The following SYNE1 variants were observed in gnomAD, a reference collection of about 807,000 sequenced individuals.
SYNE1 encodes nesprin-1.
SYNE1 carries 616 observed loss-of-function variants against 1,111.0 expected under a neutral mutation model. That is an observed-to-expected ratio of 0.55 (90% CI 0.52 to 0.59). The LOEUF (loss-of-function observed/expected upper bound fraction) is 0.59. Ranked by LOEUF, SYNE1 falls within the 20% of genes least tolerant of loss-of-function variation. The pLI, the probability that SYNE1 is intolerant of heterozygous loss-of-function variation, is 0.00. For missense variants in SYNE1, 10,006 were observed against 10,417.0 expected (o/e 0.96, Z 1.72); for synonymous variants, 3,855 against 3,825.8 (o/e 1.01, Z -0.28).
At chr6:152,325,481 T>G (rs2096039309) in intron 80 of SYNE1, among the ~76,000 whole-genome samples, 179 bp from the exon 81 acceptor site, 1 of 152,226 alleles carries the variant, frequency 6.6e-6, no homozygotes, top group African/African-American at 2.4e-5. Context: ...GAGTGAGTCT[T>G]AAAGCTTTTT....
intron 127 of SYNE1, among the ~76,000 whole-genome samples, chr6:152,195,704 A>G (rs189418547): frequency 1.4e-3 from 216 of 152,188 alleles, no homozygotes; most frequent in Admixed American, 4.1e-3. Context: ...TGGAGAGGAG[A>G]GTTACAAGTA....
intron 78 of SYNE1, among the ~76,000 whole-genome samples, chr6:152,327,991 T>C (rs1292382756): frequency 6.6e-6 from 1 of 152,210 alleles, no homozygotes; most frequent in Non-Finnish European, 1.5e-5. Flanking sequence ...TTATCCAATA[T>C]TAAAATTTTT....
At chr6:152,481,669 G>A (rs942718625) in intron 14 of SYNE1, 7 of 388,030 alleles carry the variant, frequency 1.8e-5, no homozygotes, top group South Asian at 4.0e-5. Flanking sequence ...TGCTAAAGAT[G>A]TTATTGTTTG....
At chr6:152,485,978 T>C (rs1257139315) in intron 12 of SYNE1, among the ~76,000 whole-genome samples, 2 of 152,094 alleles carry the variant, frequency 1.3e-5, no homozygotes, top group African/African-American at 2.4e-5. Context: ...GGGCGGATCA[T>C]GAGGTCAAGA....
chr6:152,580,966 G>T (rs2128417562), intron 3 of SYNE1, among the ~76,000 whole-genome samples: 1 of 152,342 alleles, frequency 6.6e-6, no homozygotes. Flanking sequence ...GGCTACATCT[G>T]TTAATACCTG....
intron 3 of SYNE1, among the ~76,000 whole-genome samples, chr6:152,547,957 T>C (rs2099322456): frequency 6.6e-6 from 1 of 152,216 alleles, no homozygotes; most frequent in Non-Finnish European, 1.5e-5. Flanking sequence ...ACAATTTATA[T>C]GTATATCAAA....
rs2090078841 is a variant in SYNE1 at position 152,253,823 on chromosome 6, T to TTTTTTTTG, written c.19470+1056_19470+1057insCAAAAAAA. Among the ~76,000 whole-genome samples, 2 of 53,334 alleles carry TTTTTTTTG rather than the reference T, an allele frequency of 3.7e-5. 1 individual carries two copies. Among genetic ancestry groups the TTTTTTTTG allele is most frequent in the Non-Finnish European group, 6.1e-5 (2 of 32,704 alleles). The allele number at this position is 53,334 out of a possible 152,430, so 35.0% of individuals were successfully genotyped here. ...CATTTATGTGTAGTGGTTTGGTTTTTTTTTTTTTTTTTTTTTTTTTTTTTT... is the reference window on the plus strand; with the variant it reads ...CATTTATGTGTAGTGGTTTGGTTTTTTTTTTTTGTTTTTTTTTTTTTTTTTTTTTTTTT... On this transcript the variant is annotated intron_variant, in intron 104 of 145. Coordinates refer to ENST00000367255, the MANE Select transcript of SYNE1 (RefSeq NM_182961.4).
intron 99 of SYNE1, among the ~76,000 whole-genome samples, chr6:152,268,540 C>T (rs192457354): frequency 6.6e-6 from 1 of 152,236 alleles, no homozygotes; most frequent in East Asian, 1.9e-4. Context: ...AAGTTCTCCA[C>T]TTAATTGATA....
intron 93 of SYNE1, among the ~76,000 whole-genome samples, chr6:152,297,593 C>T (rs1320708997): frequency 3.3e-5 from 5 of 152,154 alleles, no homozygotes; most frequent in South Asian, 4.2e-4. Flanking sequence ...TGTAAATGCA[C>T]TTATATAAAT....
intron 5 of SYNE1, among the ~76,000 whole-genome samples, chr6:152,522,255 T>C (rs937825363): frequency 6.6e-6 from 1 of 152,134 alleles, no homozygotes; most frequent in South Asian, 2.1e-4. Context: ...TACCATTCTA[T>C]ATGCCTTCGT....
At position 152,233,801 on chromosome 6, in the gene SYNE1, C is replaced by A; in HGVS notation, c.20692G>T (p.Val6898Phe). 1.2e-6 allele frequency: 2 copies of A among 1,614,166 alleles called. No homozygotes were observed. The highest frequency in any genetic ancestry group is 8.5e-7 in the Non-Finnish European group (1 of 1,180,038). ...TGTACCTGGTGGAGCTTCTCCTGGA[C>A]GGCTGGGATATTGGTTAGCAGGTCA... ...WTDLLTNIPA[V>F]QEKLHQLQMD... The change falls in exon 112 of 146, where the codon GTC becomes TTC. Residue 6898 changes from valine to phenylalanine, a missense_variant. Physicochemically the swap from Val to Phe is conservative, Grantham distance 50 (BLOSUM62 -1). Coordinates refer to ENST00000367255, the MANE Select transcript of SYNE1 (RefSeq NM_182961.4).
intron 97 of SYNE1, 145 bp from the exon 98 acceptor site, chr6:152,278,425 C>G (rs931514196): frequency 2.4e-6 from 2 of 837,974 alleles, no homozygotes; most frequent in South Asian, 1.4e-5. Flanking sequence ...ACGGCCTTGA[C>G]GAGTAAGTAG....
intron 95 of SYNE1, among the ~76,000 whole-genome samples, chr6:152,287,535 A>G (rs148817696): frequency 6.6e-6 from 1 of 152,194 alleles, no homozygotes. Context: ...ACACATTTGC[A>G]GCATACTTTA....
At chr6:152,344,723 G>A (rs1009966776) in intron 73 of SYNE1, among the ~76,000 whole-genome samples, 1 of 152,188 alleles carries the variant, frequency 6.6e-6, no homozygotes, top group African/African-American at 2.4e-5. Context: ...ATAACATGAG[G>A]AGTGGAGAGG....
intron 16 of SYNE1, among the ~76,000 whole-genome samples, chr6:152,470,367 A>C (rs1023539889): frequency 6.6e-6 from 1 of 152,160 alleles, no homozygotes; most frequent in Non-Finnish European, 1.5e-5. Flanking sequence ...ATCATTTGGC[A>C]TGACTAAATC....
At chr6:152,450,862 C>G (rs925255982) in intron 26 of SYNE1, 29 bp from the exon 27 acceptor site, 18 of 1,609,568 alleles carry the variant, frequency 1.1e-5, no homozygotes, top group African/African-American at 1.3e-5. Context: ...TTTTATAATC[C>G]CTGTGAGAAG....
At chr6:152,459,159 G>C (rs926997344) in intron 21 of SYNE1, among the ~76,000 whole-genome samples, 14 of 152,026 alleles carry the variant, frequency 9.2e-5, no homozygotes, top group African/African-American at 2.9e-4. Flanking sequence ...GTTTTCTCAT[G>C]AAAATTCATC....
chr6:152,143,148 C>G (rs1451789880), intron 138 of SYNE1, among the ~76,000 whole-genome samples: 1 of 152,162 alleles, frequency 6.6e-6, no homozygotes, highest in Non-Finnish European at 1.5e-5. Flanking sequence ...CTTGCTAGAA[C>G]TGTTTTCTTC....
At chr6:152,367,117 T>C (rs771821910) in intron 62 of SYNE1, 101 bp downstream of exon 62, 5 of 1,418,560 alleles carry the variant, frequency 3.5e-6, no homozygotes, top group East Asian at 2.3e-5. Context: ...AGATTTATCA[T>C]GGAGAGAATG....
Sources: allele counts gnomAD v4.1 joint callset (sites outside exome capture counted in the v4.1 genomes callset), GRCh38; gene constraint gnomAD v4.1.1; transcripts MANE v1.5; gene names NCBI Gene and HGNC (gene_info 2026-07-23, HGNC 2026-07-21).